The following TTL variants were observed in gnomAD, a reference collection of about 807,000 sequenced individuals.
The protein encoded by TTL is tubulin tyrosine ligase, also known as tubulin--tyrosine ligase.
A neutral mutation model predicts 41.1 loss-of-function variants in TTL; 10 were observed. The observed-to-expected ratio is 0.24, with a 90% CI of 0.15 to 0.41. The LOEUF is 0.41. TTL is among the 10% of genes least tolerant of loss of function. The pLI is 1.00. For synonymous variants in TTL, 175 were observed against 175.5 expected (o/e 1.00, Z 0.02); for missense variants, 367 against 460.4 (o/e 0.80, Z 1.86).
At chr2:112,494,677 T>C (rs1574057295) in intron 3 of TTL, among the ~76,000 whole-genome samples, 3 of 152,154 alleles carry the variant, frequency 2.0e-5, no homozygotes, top group African/African-American at 7.2e-5. Flanking sequence ...TGCTCCTCCT[T>C]CACGCTTTCC....
chr2:112,494,315 A>C lies in TTL; in HGVS notation c.409A>C (p.Arg137=), dbSNP rs555903712. ...EREFFLASYN[R]KKEDGEGNVW... ...AGAATTCTTTCTCGCCTCTTATAAC[A>C]GAAAGAAAGAGGATGGAGAGGGCAA... The change falls in exon 3 of 7, where the codon AGA becomes CGA. Residue 137 remains arginine (R), a synonymous_variant. Transcript: ENST00000233336. 6.2e-7 allele frequency: 1 copy of C among 1,614,200 alleles called. No homozygotes were observed.
At chr2:112,510,112 T>C (rs1054791446) in intron 5 of TTL, among the ~76,000 whole-genome samples, 2 of 152,186 alleles carry the variant, frequency 1.3e-5, no homozygotes, top group African/African-American at 4.8e-5. Flanking sequence ...GGATATAATT[T>C]ACTCTTTTTC....
intron 3 of TTL, among the ~76,000 whole-genome samples, chr2:112,499,325 G>T (rs1362330899): frequency 6.6e-6 from 1 of 152,116 alleles, no homozygotes; most frequent in Non-Finnish European, 1.5e-5. Flanking sequence ...ACATAAATCA[G>T]TGGAAGAGAA....
rs1681741883 is a variant in TTL at position 112,502,974 on chromosome 2, C to T, written c.668C>T (p.Thr223Ile). The T allele has an allele frequency of 6.2e-7, 1 of 1,613,944 alleles. No individual in the cohort carries two copies. Among genetic ancestry groups the T allele is most frequent in the Non-Finnish European group, 8.5e-7 (1 of 1,179,994 alleles). ...CTCTATAGAGAGGGTGTGCTTCGGA[C>T]TGCTTCAGAACCATATCATGTTGAT... Reference protein sequence around the residue: ...IYLYREGVLRTASEPYHVDNF... With the variant: ...IYLYREGVLRIASEPYHVDNF... The change falls in exon 5 of 7, where the codon ACT becomes ATT. Residue 223 changes from threonine to isoleucine, a missense_variant. Thr to Ile is a moderately conservative substitution (Grantham distance 89). Coordinates refer to ENST00000233336, the MANE Select transcript of TTL (RefSeq NM_153712.5).
intron 4 of TTL, among the ~76,000 whole-genome samples, chr2:112,501,617 C>CT (rs1681700538): frequency 6.6e-6 from 1 of 152,004 alleles, no homozygotes; most frequent in African/African-American, 2.4e-5. Flanking sequence ...CTTGTAATCC[C>CT]AGCACTTTGG....
At chr2:112,485,409 T>C (rs1221380792) in intron 1 of TTL, among the ~76,000 whole-genome samples, 1 of 152,248 alleles carries the variant, frequency 6.6e-6, no homozygotes, top group Non-Finnish European at 1.5e-5. Flanking sequence ...TTTGTAGACA[T>C]GGCCTCTCCA....
chr2:112,502,637 C>CA lies in TTL; in HGVS notation c.606-259dup, dbSNP rs59408840. Among the ~76,000 whole-genome samples the CA allele has an allele frequency of 2.2e-3, 271 of 123,016 alleles. 3 individuals are homozygous for CA. Among genetic ancestry groups the CA allele is most frequent in the South Asian group, 7.3e-3 (28 of 3,834 alleles). 80.7% of individuals were successfully genotyped at this position (123,016 alleles called of 152,430 possible). A position where few individuals can be genotyped will look rare whatever the true frequency, so the allele number is the denominator to read the frequency against. On this transcript the variant is annotated intron_variant, in intron 4 of 6. Transcript: ENST00000233336. ...GGGCAACAAAAGCAAAACTCCATCTCAAAAAAAAAAAAAAAATCATCTGAT... is the reference window on the plus strand; with the variant it reads ...GGGCAACAAAAGCAAAACTCCATCTCAAAAAAAAAAAAAAAAATCATCTGAT...
rs1263041089 is a variant in TTL at position 112,482,205 on chromosome 2, C to G, written c.-140C>G. 1.1e-4 allele frequency: 52 copies of G among 490,336 alleles called. No individual in the cohort carries two copies. In the South Asian group the frequency reaches 4.1e-3, roughly 39 times the overall value. 30.4% of individuals were successfully genotyped at this position (490,336 alleles called of 1,614,324 possible). ...GCGCCCGGGCGCGGCGCCGCCGGCA[C>G]CCGAGAGGCGCGGTAGCCGGCGCGG... On this transcript the variant is annotated 5_prime_UTR_variant, in exon 1 of 7. Coordinates refer to ENST00000233336, the MANE Select transcript of TTL (RefSeq NM_153712.5). This position sits in a 1 kb window ranked among gnomAD's most constrained non-coding sequence, Gnocchi z 5.3.
intron 5 of TTL, among the ~76,000 whole-genome samples, chr2:112,517,593 A>G (rs1337603885): frequency 4.0e-5 from 6 of 151,438 alleles, no homozygotes; most frequent in African/African-American, 1.2e-4. Flanking sequence ...CTTTTTTACC[A>G]TAAGCATCTG....
At position 112,503,109 on chromosome 2, in the gene TTL, A is replaced by G. The variant is rs754827013; in HGVS notation, c.803A>G (p.Asn268Ser). 11 of 1,613,560 alleles carry G rather than the reference A, an allele frequency of 6.8e-6. 1 individual carries two copies. The Admixed American group carries it at 8.3e-5, about 12-fold the overall frequency. ...EGNEMFFKEF[N>S]QYLTSALNIT... The stretch of plus-strand genomic sequence containing the variant: ...AATGAAATGTTCTTCAAGGAGTTCA[A>G]TCAGTACCTAACAAGTGCTTTGAAC... The change falls in exon 5 of 7, where the codon AAT (asparagine) becomes AGT (serine). Residue 268 changes from asparagine to serine, a missense_variant. Coordinates refer to ENST00000233336, the MANE Select transcript of TTL (RefSeq NM_153712.5).
At chr2:112,496,087 T>A in intron 3 of TTL, among the ~76,000 whole-genome samples, 1 of 152,050 alleles carries the variant, frequency 6.6e-6, no homozygotes, top group Non-Finnish European at 1.5e-5. Flanking sequence ...TGCCCCCTAG[T>A]GTGGTTCCAA....
chr2:112,507,660 A>G (rs1259602357), intron 5 of TTL, among the ~76,000 whole-genome samples: 1 of 143,018 alleles, frequency 7.0e-6, no homozygotes, highest in South Asian at 2.3e-4. Flanking sequence ...TTTGTTTTCC[A>G]TTGGCTTGGT....
intron 5 of TTL, among the ~76,000 whole-genome samples, chr2:112,519,520 C>G (rs1365921650): frequency 1.3e-5 from 2 of 148,660 alleles, no homozygotes; most frequent in Non-Finnish European, 3.0e-5. Flanking sequence ...GCCATTGGAA[C>G]TAGAACTAGC....
At chr2:112,492,016 C>T (rs140625025) in intron 2 of TTL, among the ~76,000 whole-genome samples, 11 of 152,170 alleles carry the variant, frequency 7.2e-5, no homozygotes, top group Non-Finnish European at 1.5e-4. Flanking sequence ...ACCTTAGTCC[C>T]AATTGTGGTA....
intron 5 of TTL, among the ~76,000 whole-genome samples, chr2:112,507,853 C>A (rs1681832439): frequency 8.8e-6 from 1 of 113,680 alleles, no homozygotes; most frequent in African/African-American, 3.7e-5. Context: ...TTGATCCTGT[C>A]ATTATGATGT....
rs1462137615 is a variant in TTL at position 112,533,244 on chromosome 2, C to T, written c.*4449C>T. 1 of 152,454 alleles carries T rather than the reference C, an allele frequency of 6.6e-6. No individual in the cohort carries two copies. The highest frequency in any genetic ancestry group is 2.4e-5 in the African/African-American group (1 of 41,454). The allele number at this position is 152,454 out of a possible 1,614,324, so 9.4% of individuals were successfully genotyped here. A position where few individuals can be genotyped will look rare whatever the true frequency, so the allele number is the denominator to read the frequency against. Reference sequence around the variant, plus strand: ...GGTTTCACATACACTATGACACATTCCCAGTGGACTCAGCAGAGATTGCAT... The same window carrying T: ...GGTTTCACATACACTATGACACATTTCCAGTGGACTCAGCAGAGATTGCAT... On this transcript the variant is annotated 3_prime_UTR_variant, in exon 7 of 7. Coordinates refer to ENST00000233336, the MANE Select transcript of TTL (RefSeq NM_153712.5).
intron 6 of TTL, 71 bp from the exon 7 acceptor site, chr2:112,528,609 CA>C (rs1682424422): frequency 7.3e-6 from 10 of 1,367,776 alleles, no homozygotes; most frequent in South Asian, 5.9e-5. Context: ...GTCTCAAAAA[CA>C]AAAAACATCT....
chr2:112,497,062 C>A (rs62157511), intron 3 of TTL, among the ~76,000 whole-genome samples: 1 of 151,088 alleles, frequency 6.6e-6, no homozygotes, highest in Middle Eastern at 3.4e-3. Flanking sequence ...CCTCGTGATC[C>A]GCCCGCCTCA....
In TTL at chr2:112,482,297, TG is replaced by T; in HGVS notation, c.-46del. Reference sequence around the variant, plus strand: ...GCGCTGAGCCGCCTTCTCGGCCGCCTGGTCCCTGCGGCGGCTGCCCGGCGGC... The same window carrying T: ...GCGCTGAGCCGCCTTCTCGGCCGCCTGTCCCTGCGGCGGCTGCCCGGCGGC... On this transcript the variant is annotated 5_prime_UTR_variant, in exon 1 of 7. Coordinates refer to ENST00000233336, the MANE Select transcript of TTL (RefSeq NM_153712.5). The surrounding 1 kb of genome is among the most constrained non-coding windows in gnomAD (Gnocchi z 5.3). 7.3e-7 allele frequency: 1 copy of T among 1,361,954 alleles called. No homozygotes were observed. The highest frequency in any genetic ancestry group is 9.6e-7 in the Non-Finnish European group (1 of 1,038,476). The allele number at this position is 1,361,954 out of a possible 1,614,324, so 84.4% of individuals were successfully genotyped here.
Sources: gnomAD v4.1 joint callset for allele counts (sites outside exome capture counted in the v4.1 genomes callset) on GRCh38, gnomAD v4.1.1 for gene constraint, Gnocchi (gnomAD v3.1) non-coding constraint, MANE v1.5 for transcripts, NCBI Gene and HGNC (gene_info 2026-07-23, HGNC 2026-07-21) for gene names.